Variants in PRKCQ observed in about 807,000 individuals in gnomAD.
The protein encoded by PRKCQ is protein kinase C theta type.
Under a neutral mutation model 91.2 loss-of-function variants are expected in PRKCQ, and 41 were observed. That is an observed-to-expected ratio of 0.45 (90% CI 0.35 to 0.58). The LOEUF (loss-of-function observed/expected upper bound fraction) is 0.58. Ranked by LOEUF, PRKCQ falls within the 20% of genes least tolerant of loss-of-function variation. The probability of loss-of-function intolerance (pLI) is 0.00; values close to 1 mark genes in which losing one functional copy is unlikely to be tolerated. For synonymous variants in PRKCQ, 307 were observed against 316.9 expected (o/e 0.97, Z 0.33); for missense variants, 673 against 896.5 (o/e 0.75, Z 3.18).
At chr10:6,568,211 G>A (rs1002201761) in intron 1 of PRKCQ, among the ~76,000 whole-genome samples, 1 of 151,610 alleles carries the variant, frequency 6.6e-6, no homozygotes, top group African/African-American at 2.4e-5. Context: ...CGAGACTCTT[G>A]TCTCCAAAAA....
At chr10:6,437,080 C>A (rs1214032423) in intron 16 of PRKCQ, among the ~76,000 whole-genome samples, 2 of 152,186 alleles carry the variant, frequency 1.3e-5, no homozygotes, top group Non-Finnish European at 2.9e-5. Flanking sequence ...TGCTCTCACG[C>A]CTCAGGTTGT....
rs566991501 is a variant in PRKCQ, at chr10:6,520,133, G to A, written c.-9-4989C>T. On this transcript the variant is annotated intron_variant, in intron 1 of 17. Coordinates refer to ENST00000263125, the MANE Select transcript of PRKCQ (RefSeq NM_006257.5). Reference sequence around the variant, plus strand: ...GTCCCCCCATAGACCCCTTGTCTGAGCAATAAAGTCACGCATTCGACTCTC... The same window carrying A: ...GTCCCCCCATAGACCCCTTGTCTGAACAATAAAGTCACGCATTCGACTCTC... Among the ~76,000 whole-genome samples, 13 of 152,336 alleles carry A rather than the reference G, an allele frequency of 8.5e-5. No individual in the cohort carries two copies. In the East Asian group the frequency reaches 2.5e-3, roughly 29 times the overall value.
chr10:6,554,226 C>T (rs996005462), intron 1 of PRKCQ, among the ~76,000 whole-genome samples: 6 of 152,120 alleles, frequency 3.9e-5, no homozygotes, highest in African/African-American at 1.4e-4. Flanking sequence ...ACAAAGCAAC[C>T]AAGGCCAGTT....
intron 16 of PRKCQ, among the ~76,000 whole-genome samples, chr10:6,437,901 T>C (rs748183054): frequency 1.3e-5 from 2 of 152,104 alleles, no homozygotes; most frequent in African/African-American, 2.4e-5. Flanking sequence ...GACCCGCCCA[T>C]CTCGGCCTCC....
chr10:6,458,959 G>A (rs1186741288), intron 14 of PRKCQ, among the ~76,000 whole-genome samples: 2 of 152,056 alleles, frequency 1.3e-5, no homozygotes, highest in South Asian at 2.1e-4. Context: ...AGATGCCGTC[G>A]ATTTTGTGGT....
chr10:6,548,668 G>A (rs983443046), intron 1 of PRKCQ, among the ~76,000 whole-genome samples: 16 of 144,068 alleles, frequency 1.1e-4, no homozygotes, highest in African/African-American at 2.8e-4. Flanking sequence ...TCACTCATAG[G>A]TGGGAATTGA....
Position 6,553,633 on chromosome 10 carries a change from T to C in PRKCQ, c.-10+26578A>G, listed in dbSNP as rs80057192. ...TTCCTTCCTCCTCCTTCTCCTCCAC[T>C]TTCTTATAACTCATGCTGCTGTGAA... On this transcript the variant is annotated intron_variant, in intron 1 of 17. Transcript: ENST00000263125. Among the ~76,000 whole-genome samples the C allele has an allele frequency of 5.6e-3, 856 of 152,264 alleles. 29 individuals carry two copies. In the East Asian group the frequency reaches 0.081, roughly 14 times the overall value.
At chr10:6,566,991 G>A (rs1041174058) in intron 1 of PRKCQ, among the ~76,000 whole-genome samples, 1 of 152,154 alleles carries the variant, frequency 6.6e-6, no homozygotes, top group Non-Finnish European at 1.5e-5. Context: ...CTGGCTACAG[G>A]AGGCCTCATG....
intron 11 of PRKCQ, among the ~76,000 whole-genome samples, chr10:6,480,673 G>C (rs1214315532): frequency 6.6e-6 from 1 of 152,244 alleles, no homozygotes; most frequent in Non-Finnish European, 1.5e-5. Context: ...ACCTGGGAAA[G>C]TAGACTCTAA....
At chr10:6,530,084 G>C (rs1348285259) in intron 1 of PRKCQ, among the ~76,000 whole-genome samples, 2 of 152,164 alleles carry the variant, frequency 1.3e-5, no homozygotes, top group East Asian at 3.8e-4. Context: ...ATATTGCAAA[G>C]CACTGCACTG....
the PRKCQ span, among the ~76,000 whole-genome samples, chr10:6,418,325 A>T: frequency 6.6e-6 from 1 of 152,234 alleles, no homozygotes. Context: ...AATGACAAAG[A>T]GCTGATAGGC....
Position 6,430,584 on chromosome 10 carries a change from C to T in PRKCQ, c.1965+226G>A, listed in dbSNP as rs561112803. Among the ~76,000 whole-genome samples the T allele has an allele frequency of 9.5e-4, 144 of 152,256 alleles. No homozygotes were observed. The highest frequency in any genetic ancestry group is 1.8e-3 in the Non-Finnish European group (120 of 68,016). On this transcript the variant is annotated intron_variant, in intron 17 of 17. Transcript: ENST00000263125. The surrounding 1 kb of genome is among the most constrained non-coding windows in gnomAD (Gnocchi z 4.7). ...CACAGCAATCCATTCTTCATGCAGG[C>T]GCATCTTGACGACAGAGATTAAATT...
At chr10:6,565,576 T>C (rs2130964185) in intron 1 of PRKCQ, among the ~76,000 whole-genome samples, 1 of 152,334 alleles carries the variant, frequency 6.6e-6, no homozygotes, top group South Asian at 2.1e-4. Context: ...TTGCATTTAT[T>C]TTATTTTAAA....
intron 2 of PRKCQ, among the ~76,000 whole-genome samples, chr10:6,511,620 G>A (rs544246307): frequency 6.6e-6 from 1 of 152,308 alleles, no homozygotes; most frequent in South Asian, 2.1e-4. Flanking sequence ...ACTAAAACTA[G>A]GGATTTATAT....
intron 15 of PRKCQ, among the ~76,000 whole-genome samples, chr10:6,450,249 C>T (rs558627081): frequency 6.7e-6 from 1 of 149,224 alleles, no homozygotes; most frequent in African/African-American, 2.5e-5. Context: ...ATCTACCAAG[C>T]AAATGGAAAA....
Position 6,486,162 on chromosome 10 carries a change from G to A in PRKCQ, c.791-18C>T. The stretch of plus-strand genomic sequence containing the variant: ...GCCACATGCTGGAAGGAAGAAGGCA[G>A]ATAGTGAGCAAGAGTGGAAGAACCC... On this transcript the variant is annotated intron_variant, in intron 8 of 17. Transcript: ENST00000263125. The A allele has an allele frequency of 6.2e-7, 1 of 1,603,310 alleles. No homozygotes were observed. The highest frequency in any genetic ancestry group is 8.5e-7 in the Non-Finnish European group (1 of 1,170,440).
chr10:6,500,979 GA>G (rs1230736041), intron 4 of PRKCQ, among the ~76,000 whole-genome samples: 2 of 152,096 alleles, frequency 1.3e-5, no homozygotes, highest in Non-Finnish European at 2.9e-5. Flanking sequence ...TAGGAGGTAG[GA>G]AAAGAAATGG....
At chr10:6,411,127 C>T in the PRKCQ span, among the ~76,000 whole-genome samples, 1 of 152,130 alleles carries the variant, frequency 6.6e-6, no homozygotes, top group African/African-American at 2.4e-5. Context: ...TAGCCTCTAG[C>T]TTATAATGAG....
intron 12 of PRKCQ, among the ~76,000 whole-genome samples, chr10:6,469,631 T>C (rs952585305): frequency 2.0e-5 from 3 of 152,186 alleles, no homozygotes; most frequent in African/African-American, 7.2e-5. Flanking sequence ...ACTTTACTAA[T>C]AATTTTGGAT....
Sources: allele counts gnomAD v4.1 joint callset (sites outside exome capture counted in the v4.1 genomes callset), GRCh38; gene constraint gnomAD v4.1.1; non-coding constraint Gnocchi (gnomAD v3.1); transcripts MANE v1.5; gene names NCBI Gene and HGNC (gene_info 2026-07-23, HGNC 2026-07-21).